The following GLYATL1 variants were observed in gnomAD, a reference collection of about 807,000 sequenced individuals.
GLYATL1 encodes the protein glycine N-acyltransferase-like protein 1.
GLYATL1 carries 15 observed loss-of-function variants against 20.0 expected under a neutral mutation model. The observed-to-expected ratio is 0.75, with a 90% confidence interval of 0.50 to 1.15. The LOEUF (loss-of-function observed/expected upper bound fraction) is 1.15, where lower values mean the gene tolerates loss of function less well. GLYATL1 is among the 50% of genes most tolerant of loss of function. The probability of loss-of-function intolerance (pLI) is 0.00; values close to 1 mark genes in which losing one functional copy is unlikely to be tolerated. For synonymous variants in GLYATL1, 151 were observed against 131.5 expected, an observed-to-expected ratio of 1.15 and a Z score of -1.01; for missense variants, 380 against 368.5, an observed-to-expected ratio of 1.03 and a Z score of -0.26.
intron 2 of GLYATL1, among the ~76,000 whole-genome samples, chr11:58,946,101 T>C (rs1280522494): frequency 6.6e-6 from 1 of 152,258 alleles, no homozygotes; most frequent in Non-Finnish European, 1.5e-5. Flanking sequence ...TTGTAAGTTC[T>C]TCACATTTTT....
downstream of GLYATL1, among the ~76,000 whole-genome samples, chr11:58,909,934 A>G (rs1334933931): frequency 6.6e-6 from 1 of 152,122 alleles, no homozygotes; most frequent in African/African-American, 2.4e-5. Context: ...TCTGCTTTTC[A>G]TATTATTCCC....
At chr11:58,945,528 T>C (rs967329213) in intron 2 of GLYATL1, among the ~76,000 whole-genome samples, 1 of 152,130 alleles carries the variant, frequency 6.6e-6, no homozygotes, top group Non-Finnish European at 1.5e-5. Context: ...CAGCCCAGGA[T>C]ATAATGTTCC....
intron 1 of GLYATL1, among the ~76,000 whole-genome samples, chr11:58,920,770 A>G (rs1855290558): frequency 6.6e-6 from 1 of 152,162 alleles, no homozygotes; most frequent in African/African-American, 2.4e-5. Context: ...TTGGTCCATC[A>G]AAGTTATAAC....
chr11:58,911,598 A>G (rs1246245271), downstream of GLYATL1, among the ~76,000 whole-genome samples: 2 of 152,168 alleles, frequency 1.3e-5, no homozygotes, highest in Non-Finnish European at 2.9e-5. Flanking sequence ...TTCTTATATC[A>G]TCCACATATC....
At chr11:58,911,940 T>G (rs1855055286), downstream of GLYATL1, among the ~76,000 whole-genome samples, 1 of 152,212 alleles carries the variant, frequency 6.6e-6, no homozygotes, top group Admixed American at 6.5e-5. Flanking sequence ...TCCAGAAGTT[T>G]TATAGTTTTA....
At chr11:58,922,307 A>G (rs1433263904) in intron 1 of GLYATL1, among the ~76,000 whole-genome samples, 3 of 152,190 alleles carry the variant, frequency 2.0e-5, no homozygotes, top group African/African-American at 7.2e-5. Flanking sequence ...CATTACATCT[A>G]TAAGGGCCTA....
chr11:58,909,210 A>G (rs932052592), downstream of GLYATL1, among the ~76,000 whole-genome samples: 3 of 152,204 alleles, frequency 2.0e-5, no homozygotes, highest in Non-Finnish European at 2.9e-5. Context: ...TCAAACTCAT[A>G]GATGTAGAAG....
downstream of GLYATL1, among the ~76,000 whole-genome samples, chr11:58,908,825 G>A (rs2134642698): frequency 6.6e-6 from 1 of 152,254 alleles, no homozygotes; most frequent in Non-Finnish European, 1.5e-5. Flanking sequence ...AAAATAATTA[G>A]CTAATGTTTC....
At chr11:58,907,166 T>C (rs1246561857) in intron 1 of GLYATL1, 1 of 445,054 alleles carries the variant, frequency 2.2e-6, no homozygotes, top group East Asian at 7.0e-5. Context: ...CTCTGATCAG[T>C]ACACAGTTGA....
chr11:58,949,888 T>A (rs1856841395), intron 4 of GLYATL1, among the ~76,000 whole-genome samples: 1 of 151,822 alleles, frequency 6.6e-6, no homozygotes, highest in South Asian at 2.1e-4. Context: ...ACAAAGATAA[T>A]CTATGTTGAT....
At chr11:58,942,660 G>A (rs573721951) in intron 1 of GLYATL1, 1 of 152,220 alleles carries the variant, frequency 6.6e-6, no homozygotes, top group South Asian at 2.1e-4. Flanking sequence ...GCTATTGGAA[G>A]GAATCCAAGA....
chr11:58,913,931 C>T (rs183011923), intron 1 of GLYATL1, among the ~76,000 whole-genome samples: 2 of 152,256 alleles, frequency 1.3e-5, no homozygotes, highest in East Asian at 3.9e-4. Context: ...GTACCTGTGT[C>T]CCTTCCATTA....
chr11:58,906,940 A>C (rs1854905090), intron 1 of GLYATL1, among the ~76,000 whole-genome samples: 1 of 152,192 alleles, frequency 6.6e-6, no homozygotes, highest in Non-Finnish European at 1.5e-5. Context: ...ACTGAATCAG[A>C]GTCTGTGAAG....
chr11:58,944,282 G>A (rs1856408310), intron 2 of GLYATL1, among the ~76,000 whole-genome samples: 1 of 152,162 alleles, frequency 6.6e-6, no homozygotes, highest in Non-Finnish European at 1.5e-5. Context: ...GATGTCAACT[G>A]CTATTCTTTT....
chr11:58,913,902 C>G (rs1296761909), intron 1 of GLYATL1, among the ~76,000 whole-genome samples: 1 of 152,154 alleles, frequency 6.6e-6, no homozygotes, highest in East Asian at 1.9e-4. Flanking sequence ...AGGTCTAGTG[C>G]TTGTTGACTC....
intron 3 of GLYATL1, 110 bp downstream of exon 3, chr11:58,947,275 G>A: frequency 7.0e-7 from 1 of 1,431,816 alleles, no homozygotes; most frequent in African/African-American, 1.4e-5. Flanking sequence ...GTTGGAGCTG[G>A]GAAACAGGAT....
At position 58,943,132 on chromosome 11, in the gene GLYATL1, C is replaced by A. The variant is rs1856289975; in HGVS notation, c.-166-411C>A. 5 of 782,276 alleles carry A rather than the reference C, an allele frequency of 6.4e-6. No homozygotes were observed. In the East Asian group the frequency reaches 9.1e-5, roughly 14 times the overall value. 48.5% of individuals were successfully genotyped at this position (782,276 alleles called of 1,614,324 possible). ...AACTGTTGAAACAAACTAATTACAGCCTGAGAAGGACTCTGTACTTCTTCA... is the reference window on the plus strand; with the variant it reads ...AACTGTTGAAACAAACTAATTACAGACTGAGAAGGACTCTGTACTTCTTCA... On this transcript the variant is annotated intron_variant, in intron 1 of 6. Transcript: ENST00000532726.
intron 1 of GLYATL1, among the ~76,000 whole-genome samples, chr11:58,919,967 C>T (rs926218217): frequency 6.6e-6 from 1 of 152,170 alleles, no homozygotes; most frequent in African/African-American, 2.4e-5. Context: ...CACCATTCTC[C>T]CTCAATGTAT....
chr11:58,949,580 A>G (rs572938167), intron 4 of GLYATL1, among the ~76,000 whole-genome samples: 10 of 152,340 alleles, frequency 6.6e-5, no homozygotes, highest in Admixed American at 1.3e-4. Context: ...GCATCAAGCC[A>G]TACCTTCATG....
Sources: gnomAD v4.1 joint callset for allele counts (sites outside exome capture counted in the v4.1 genomes callset) on GRCh38, gnomAD v4.1.1 for gene constraint, MANE v1.5 for transcripts, NCBI Gene and HGNC (gene_info 2026-07-23, HGNC 2026-07-21) for gene names.